The following WWOX variants were observed in gnomAD, a reference collection of about 807,000 sequenced individuals.
The protein encoded by WWOX is WW domain-containing oxidoreductase.
Under a neutral mutation model 46.2 loss-of-function variants are expected in WWOX, and 69 were observed. The ratio of observed to expected loss-of-function variants is 1.49; its 90% CI spans 1.23 to 1.82. The LOEUF (loss-of-function observed/expected upper bound fraction) is 1.82, where lower values mean the gene tolerates loss of function less well. WWOX is among the 40% of genes most tolerant of loss of function. The pLI, the probability that WWOX is intolerant of heterozygous loss-of-function variation, is 0.00. For synonymous variants in WWOX, 359 were observed against 202.6 expected (o/e 1.77, Z -6.56); for missense variants, 919 against 542.6 (o/e 1.69, Z -6.89).
intron 8 of WWOX, among the ~76,000 whole-genome samples, chr16:78,864,856 G>A (rs1022207107): frequency 2.1e-5 from 3 of 142,894 alleles, no homozygotes; most frequent in African/African-American, 5.2e-5. Context: ...TCCACCTCCC[G>A]GGTTCAAGCG....
At chr16:78,937,659 C>G (rs113090872) in intron 8 of WWOX, among the ~76,000 whole-genome samples, 2 of 151,486 alleles carry the variant, frequency 1.3e-5, no homozygotes, top group African/African-American at 4.9e-5. Flanking sequence ...AGGTCTCACT[C>G]TGTCTCCCAG....
intron 8 of WWOX, among the ~76,000 whole-genome samples, chr16:78,689,657 C>A (rs1192397185): frequency 1.3e-5 from 2 of 152,138 alleles, no homozygotes. Context: ...CTTGTGGTTC[C>A]TTGTAGTAAT....
rs559231053 is a variant in WWOX at position 78,313,621 on chromosome 16, C to T, written c.517-73239C>T. Among the ~76,000 whole-genome samples the T allele has an allele frequency of 1.7e-3, 253 of 152,330 alleles. 3 individuals carry two copies. The highest frequency in any genetic ancestry group is 2.6e-3 in the Non-Finnish European group (179 of 68,030). On this transcript the variant is annotated intron_variant, in intron 5 of 8. Transcript: ENST00000566780. ...CCTCAGGTGATCTGCCTGCCTTGGCCTCCCAAGGTGTTGGGATTACGGGCA... is the reference window on the plus strand; with the variant it reads ...CCTCAGGTGATCTGCCTGCCTTGGCTTCCCAAGGTGTTGGGATTACGGGCA...
intron 8 of WWOX, among the ~76,000 whole-genome samples, chr16:78,626,328 G>A (rs1264134507): frequency 6.6e-6 from 1 of 152,058 alleles, no homozygotes; most frequent in Non-Finnish European, 1.5e-5. Flanking sequence ...TTATTTAATT[G>A]TCAGGTCTCC....
chr16:78,348,107 T>G lies in WWOX; in HGVS notation c.517-38753T>G, dbSNP rs1251503923. Among the ~76,000 whole-genome samples the G allele has an allele frequency of 1.6e-5, 2 of 122,558 alleles. 1 individual carries two copies. Among genetic ancestry groups the G allele is most frequent in the Non-Finnish European group, 3.9e-5 (2 of 51,154 alleles). 80.4% of individuals were successfully genotyped at this position (122,558 alleles called of 152,430 possible). A position where few individuals can be genotyped will look rare whatever the true frequency, so the allele number is the denominator to read the frequency against. ...TCAAACTTGGAAATAGTTCTTTTAT[T>G]ATTGCTCCCTGCAATGGGAACAGAG... On this transcript the variant is annotated intron_variant, in intron 5 of 8. Transcript: ENST00000566780.
intron 7 of WWOX, among the ~76,000 whole-genome samples, chr16:78,426,527 G>A (rs945241048): frequency 6.6e-6 from 1 of 152,178 alleles, no homozygotes; most frequent in African/African-American, 2.4e-5. Context: ...TTGAAAGGAA[G>A]GGACTTGGGC....
At chr16:78,244,313 T>C (rs2037750154) in intron 5 of WWOX, among the ~76,000 whole-genome samples, 1 of 152,244 alleles carries the variant, frequency 6.6e-6, no homozygotes, top group African/African-American at 2.4e-5. Flanking sequence ...TTAGGGATCA[T>C]AGATGCTGAT....
At chr16:79,009,256 A>G (rs1364192827) in intron 8 of WWOX, among the ~76,000 whole-genome samples, 5 of 152,186 alleles carry the variant, frequency 3.3e-5, no homozygotes, top group Non-Finnish European at 7.3e-5. Context: ...TGGGCACTAT[A>G]GCCTTAAAGT....
rs146279897 is a variant in WWOX, at chr16:78,312,740, C to A, written c.517-74120C>A. ...TTTCTCTGCATTGGAGGAAGCAAGA[C>A]TGAAGGTCGTCTGGCTTTATGGACA... On this transcript the variant is annotated intron_variant, in intron 5 of 8. Transcript: ENST00000566780. Among the ~76,000 whole-genome samples, 738 of 152,312 alleles carry A rather than the reference C, an allele frequency of 4.8e-3. 6 individuals carry two copies. The highest frequency in any genetic ancestry group is 0.025 in the South Asian group (122 of 4,822).
intron 5 of WWOX, among the ~76,000 whole-genome samples, chr16:78,321,394 G>A (rs982997792): frequency 4.5e-5 from 4 of 88,112 alleles, no homozygotes; most frequent in Admixed American, 2.6e-4. Context: ...ATATATATAC[G>A]TATATATACG....
At chr16:78,935,506 C>G (rs932717671) in intron 8 of WWOX, among the ~76,000 whole-genome samples, 1 of 149,494 alleles carries the variant, frequency 6.7e-6, no homozygotes, top group East Asian at 2.0e-4. Flanking sequence ...ATCACAAGGA[C>G]AAAAAAACCA....
At chr16:78,854,965 G>T (rs1246677867) in intron 8 of WWOX, among the ~76,000 whole-genome samples, 1 of 148,418 alleles carries the variant, frequency 6.7e-6, no homozygotes, top group Non-Finnish European at 1.5e-5. Flanking sequence ...TTTTCTTAGT[G>T]AAGTAATGGC....
intron 8 of WWOX, among the ~76,000 whole-genome samples, chr16:78,810,696 G>A (rs531107207): frequency 1.6e-4 from 24 of 152,286 alleles, no homozygotes; most frequent in African/African-American, 5.8e-4. Flanking sequence ...GCGGGCCATA[G>A]TATCAAGGGT....
intron 5 of WWOX, among the ~76,000 whole-genome samples, chr16:78,324,160 A>G (rs1305537205): frequency 6.6e-6 from 1 of 152,068 alleles, no homozygotes; most frequent in Non-Finnish European, 1.5e-5. Context: ...TTTGTCATTC[A>G]GGTCATGCTG....
At chr16:78,353,525 C>T (rs2081224452) in intron 5 of WWOX, among the ~76,000 whole-genome samples, 1 of 152,202 alleles carries the variant, frequency 6.6e-6, no homozygotes, top group Non-Finnish European at 1.5e-5. Context: ...CCAGTTGGGA[C>T]AGGATTAGCA....
intron 5 of WWOX, among the ~76,000 whole-genome samples, chr16:78,376,865 A>C (rs1310359483): frequency 6.6e-6 from 1 of 152,166 alleles, no homozygotes; most frequent in East Asian, 1.9e-4. Context: ...ATCTCCCTCC[A>C]TTTGAGGATC....
chr16:78,286,373 G>C (rs1187027229), intron 5 of WWOX, among the ~76,000 whole-genome samples: 1 of 152,182 alleles, frequency 6.6e-6, no homozygotes, highest in Non-Finnish European at 1.5e-5. Context: ...GATGAGGTGG[G>C]GGTTGTCCCC....
chr16:78,710,564 G>C (rs1452117862), intron 8 of WWOX, among the ~76,000 whole-genome samples: 1 of 136,954 alleles, frequency 7.3e-6, no homozygotes, highest in South Asian at 2.3e-4. Flanking sequence ...ATTTATGCAA[G>C]TATATATCTA....
intron 8 of WWOX, among the ~76,000 whole-genome samples, chr16:78,785,303 C>G (rs2050427739): frequency 6.6e-6 from 1 of 152,158 alleles, no homozygotes; most frequent in South Asian, 2.1e-4. Flanking sequence ...TCTCACTTCC[C>G]AGCAGCAGCT....
Sources: allele counts gnomAD v4.1 joint callset (sites outside exome capture counted in the v4.1 genomes callset), GRCh38; gene constraint gnomAD v4.1.1; transcripts MANE v1.5; gene names NCBI Gene and HGNC (gene_info 2026-07-23, HGNC 2026-07-21).